Variants in ONECUT3 observed in about 807,000 individuals in gnomAD.
ONECUT3 encodes one cut homeobox 3, also known as one cut domain family member 3.
In ONECUT3, 11 loss-of-function variants were observed where a neutral mutation model predicts 16.8. The ratio of observed to expected loss-of-function variants is 0.66; its 90% confidence interval spans 0.41 to 1.09. ONECUT3 has a LOEUF of 1.09. Ranked by LOEUF, ONECUT3 falls within the 50% of genes least tolerant of loss-of-function variation. The pLI, the probability that ONECUT3 is intolerant of heterozygous loss-of-function variation, is 0.00. For missense variants in ONECUT3, 637 were observed against 629.9 expected (o/e 1.01, Z -0.12); for synonymous variants, 344 against 310.7 (o/e 1.11, Z -1.13).
chr19:1,769,095 TGGA>T (rs2068028702), intron 1 of ONECUT3, among the ~76,000 whole-genome samples: 2 of 132,604 alleles, frequency 1.5e-5, no homozygotes, highest in South Asian at 2.4e-4. Flanking sequence ...GTGGAGGTGA[TGGA>T]GGAGGAGATG....
chr19:1,768,572 G>A (rs560081852), intron 1 of ONECUT3, among the ~76,000 whole-genome samples: 7 of 152,314 alleles, frequency 4.6e-5, no homozygotes, highest in East Asian at 1.9e-4. Flanking sequence ...CCACTCCTCC[G>A]CCAGCTTGGT....
At chr19:1,775,126 G>GGCCCCCCCCCCCCCCCCCC in intron 1 of ONECUT3, 27 bp from the exon 2 acceptor site, 2 of 1,143,882 alleles carry the variant, frequency 1.7e-6, no homozygotes, top group Non-Finnish European at 2.4e-6. Flanking sequence ...TGTCCCGCTC[G>GGCCCCCCCCCCCCCCCCCC]CCCGCCCGCC....
Position 1,753,719 on chromosome 19 carries a change from G to C in ONECUT3, c.57G>C (p.Ala19=). ...GGLHSVAHAQ[A]GELLSPGHAR... ...TGCACAGCGTGGCCCACGCGCAGGC[G>C]GGCGAGCTGCTGAGCCCGGGCCACG... The change falls in exon 1 of 2, where the codon GCG becomes GCC. Residue 19 remains alanine (A), a synonymous_variant. Coordinates refer to ENST00000382349, the MANE Select transcript of ONECUT3 (RefSeq NM_001080488.2). 9 of 1,041,200 alleles carry C rather than the reference G, an allele frequency of 8.6e-6. No homozygotes were observed. Among genetic ancestry groups the C allele is most frequent in the Non-Finnish European group, 9.2e-6 (8 of 867,986 alleles). 64.5% of individuals were successfully genotyped at this position (1,041,200 alleles called of 1,614,324 possible).
In ONECUT3 at chr19:1,775,176, C is replaced by A; in HGVS notation, c.1216C>A (p.Gln406Lys). 6.6e-7 allele frequency: 1 copy of A among 1,504,690 alleles called. No individual in the cohort carries two copies. The highest frequency in any genetic ancestry group is 8.9e-7 in the Non-Finnish European group (1 of 1,120,068). The allele number at this position is 1,504,690 out of a possible 1,614,324, so 93.2% of individuals were successfully genotyped here. A position where few individuals can be genotyped will look rare whatever the true frequency, so the allele number is the denominator to read the frequency against. Residue 406 changes from glutamine to lysine, a missense_variant, in exon 2 of 2, where the codon CAG becomes AAG. By Grantham distance (53) the Gln-to-Lys change is moderately conservative. Coordinates refer to ENST00000382349, the MANE Select transcript of ONECUT3 (RefSeq NM_001080488.2). ...LAACKRKEQE[Q>K]QKERALQPKK... ...AGCCTGCAAGCGCAAGGAACAGGAG[C>A]AGCAGAAGGAGCGCGCCCTGCAGCC...
chr19:1,763,775 C>G (rs1036182923), intron 1 of ONECUT3, among the ~76,000 whole-genome samples: 15 of 148,078 alleles, frequency 1.0e-4, no homozygotes, highest in Non-Finnish European at 1.9e-4. Flanking sequence ...TCAGATGCTC[C>G]GAGATTCTTC....
Position 1,762,735 on chromosome 19 carries a change from A to T in ONECUT3, c.1192+7881A>T, listed in dbSNP as rs10404955. ...GCGCAGCCCCCAGCAGGCACCCACCATCCCACCCCCGCATCCCACCCCAGG... is the reference window on the plus strand; with the variant it reads ...GCGCAGCCCCCAGCAGGCACCCACCTTCCCACCCCCGCATCCCACCCCAGG... On this transcript the variant is annotated intron_variant, in intron 1 of 1. Transcript: ENST00000382349. This position sits in a 1 kb window ranked among gnomAD's most constrained non-coding sequence, Gnocchi z 4.4. Among the ~76,000 whole-genome samples the T allele has an allele frequency of 7.6e-6, 1 of 132,444 alleles. No homozygotes were observed. The allele number at this position is 132,444 out of a possible 152,430, so 86.9% of individuals were successfully genotyped here.
chr19:1,757,867 G>GC (rs2145957286), intron 1 of ONECUT3, among the ~76,000 whole-genome samples: 1 of 152,286 alleles, frequency 6.6e-6, no homozygotes, highest in Admixed American at 6.5e-5. Context: ...AGGGAACTCT[G>GC]CCCCCGCCCC....
At chr19:1,768,398 G>C (rs577464863) in intron 1 of ONECUT3, among the ~76,000 whole-genome samples, 2 of 152,272 alleles carry the variant, frequency 1.3e-5, no homozygotes, top group African/African-American at 4.8e-5. Flanking sequence ...TGGTGGATGG[G>C]GAGAGGGAAG....
chr19:1,769,413 G>A (rs2145965143), intron 1 of ONECUT3, among the ~76,000 whole-genome samples: 1 of 152,174 alleles, frequency 6.6e-6, no homozygotes, highest in East Asian at 1.9e-4. Context: ...GTGGGCCCTG[G>A]CAGCATGAGG....
rs1408374614 is a variant in ONECUT3, at chr19:1,758,315, A to AG, written c.1192+3461_1192+3462insG. On this transcript the variant is annotated intron_variant, in intron 1 of 1. Transcript: ENST00000382349. This position sits in a 1 kb window ranked among gnomAD's most constrained non-coding sequence, Gnocchi z 5.9. ...GCAGAGAGACCAAAAAAAAAAAAAA[A>AG]AGAGAGAGAGAGAGAGAGAGACAGA... Among the ~76,000 whole-genome samples, 1,975 of 76,882 alleles carry AG rather than the reference A, an allele frequency of 0.026. 32 individuals are homozygous for AG. Among genetic ancestry groups the AG allele is most frequent in the African/African-American group, 0.044 (1,091 of 24,730 alleles). 50.4% of individuals were successfully genotyped at this position (76,882 alleles called of 152,430 possible). A position where few individuals can be genotyped will look rare whatever the true frequency, so the allele number is the denominator to read the frequency against.
In ONECUT3 at chr19:1,754,349, C is replaced by A; in HGVS notation, c.687C>A (p.Gly229=). The A allele has an allele frequency of 9.3e-7, 1 of 1,080,932 alleles. No homozygotes were observed. Among genetic ancestry groups the A allele is most frequent in the Non-Finnish European group, 1.1e-6 (1 of 890,072 alleles). 67.0% of individuals were successfully genotyped at this position (1,080,932 alleles called of 1,614,324 possible). The change falls in exon 1 of 2, where the codon GGC becomes GGA. Residue 229 remains glycine, a synonymous_variant. Coordinates refer to ENST00000382349, the MANE Select transcript of ONECUT3 (RefSeq NM_001080488.2). The surrounding 1 kb of genome is among the most constrained non-coding windows in gnomAD (Gnocchi z 7.4). ...PPPPPPLAAY[G]PPGHLAGDKL... is the part of the protein sequence containing the mutation. ...CACCCCCGCCGCTGGCCGCCTACGG[C>A]CCGCCAGGCCACCTGGCTGGGGACA...
intron 1 of ONECUT3, among the ~76,000 whole-genome samples, chr19:1,761,308 C>T (rs2067945198): frequency 6.6e-6 from 1 of 152,180 alleles, no homozygotes; most frequent in Non-Finnish European, 1.5e-5. Flanking sequence ...CCACCTCGGC[C>T]ACCCAAAGTG....
At chr19:1,760,713 T>C (rs942231316) in intron 1 of ONECUT3, among the ~76,000 whole-genome samples, 1 of 151,628 alleles carries the variant, frequency 6.6e-6, no homozygotes, top group Non-Finnish European at 1.5e-5. Context: ...CCCAGGACCA[T>C]CCCCGCTTTT....
intron 1 of ONECUT3, among the ~76,000 whole-genome samples, chr19:1,757,486 G>T (rs1015573087): frequency 4.6e-5 from 7 of 152,364 alleles, no homozygotes; most frequent in African/African-American, 1.7e-4. Flanking sequence ...GCCTCCCGCA[G>T]GGCGCTGGGG....
At chr19:1,774,518 A>T (rs2068086508) in intron 1 of ONECUT3, among the ~76,000 whole-genome samples, 1 of 151,954 alleles carries the variant, frequency 6.6e-6, no homozygotes, top group Non-Finnish European at 1.5e-5. Context: ...CCTAGTAATT[A>T]ACCAGTTATT....
rs371509854 is a variant in ONECUT3 at position 1,770,475 on chromosome 19, A to G, written c.1193-4678A>G. ...AATTATTGTTAAGAATTGAGTGACC[A>G]GATACATATAAAGCTCTTGACACAA... On this transcript the variant is annotated intron_variant, in intron 1 of 1. Transcript: ENST00000382349. 6.2e-4 allele frequency among the ~76,000 whole-genome samples: 95 copies of G among 152,342 alleles called. 2 individuals are homozygous for G. Among genetic ancestry groups the G allele is most frequent in the African/African-American group, 2.2e-3 (92 of 41,578 alleles).
At chr19:1,761,296 A>G (rs1457024751) in intron 1 of ONECUT3, among the ~76,000 whole-genome samples, 1 of 151,404 alleles carries the variant, frequency 6.6e-6, no homozygotes, top group Non-Finnish European at 1.5e-5. Flanking sequence ...CAGATGATCC[A>G]CCCACCTCGG....
intron 1 of ONECUT3, among the ~76,000 whole-genome samples, chr19:1,769,723 CA>C (rs1165552341): frequency 6.6e-6 from 1 of 151,992 alleles, no homozygotes; most frequent in Non-Finnish European, 1.5e-5. Flanking sequence ...GGGATGGGAG[CA>C]ATGACAAAGC....
chr19:1,757,794 A>T (rs1241882796), intron 1 of ONECUT3, among the ~76,000 whole-genome samples: 1 of 152,074 alleles, frequency 6.6e-6, no homozygotes, highest in Non-Finnish European at 1.5e-5. Flanking sequence ...GGTTAGGGGG[A>T]GACGGCCGGA....
Sources: allele counts gnomAD v4.1 joint callset (sites outside exome capture counted in the v4.1 genomes callset), GRCh38; gene constraint gnomAD v4.1.1; non-coding constraint Gnocchi (gnomAD v3.1); transcripts MANE v1.5; gene names NCBI Gene and HGNC (gene_info 2026-07-23, HGNC 2026-07-21).